Variants in HMCN1 observed in about 807,000 individuals in gnomAD.
The protein encoded by HMCN1 is hemicentin-1.
HMCN1 carries 321 observed loss-of-function variants against 625.9 expected under a neutral mutation model. That is an observed-to-expected ratio of 0.51 (90% CI 0.47 to 0.56). The LOEUF is 0.56. Among genes scored for constraint, HMCN1 ranks in the 20% least tolerant of loss-of-function variants. The pLI is 0.00. For missense variants in HMCN1, 6,588 were observed against 6,887.3 expected (o/e 0.96, Z 1.54); for synonymous variants, 2,425 against 2,417.6 (o/e 1.00, Z -0.09).
chr1:186,008,599 C>T (rs1451896822), intron 30 of HMCN1, among the ~76,000 whole-genome samples: 1 of 152,042 alleles, frequency 6.6e-6, no homozygotes, highest in Non-Finnish European at 1.5e-5. Flanking sequence ...GAGGCCCAAC[C>T]ACTGCCACTG....
intron 32 of HMCN1, among the ~76,000 whole-genome samples, chr1:186,016,495 G>A (rs1571721016): frequency 6.6e-6 from 1 of 151,930 alleles, no homozygotes; most frequent in African/African-American, 2.4e-5. Flanking sequence ...TTACGTCTAT[G>A]ACAATGTCTA....
intron 18 of HMCN1, among the ~76,000 whole-genome samples, chr1:185,982,880 T>C (rs971021008): frequency 6.6e-6 from 1 of 152,184 alleles, no homozygotes; most frequent in African/African-American, 2.4e-5. Flanking sequence ...ATTCATATTA[T>C]TTTGGCATTA....
At chr1:185,902,550 G>A (rs1003342813) in intron 4 of HMCN1, among the ~76,000 whole-genome samples, 12 of 151,618 alleles carry the variant, frequency 7.9e-5, no homozygotes, top group African/African-American at 2.9e-4. Context: ...AGTGTTTTAT[G>A]TAACTACTAT....
chr1:185,892,063 A>G (rs1389881152), intron 4 of HMCN1, among the ~76,000 whole-genome samples: 44 of 150,668 alleles, frequency 2.9e-4, no homozygotes, highest in African/African-American at 9.9e-4. Flanking sequence ...CATTCATTTC[A>G]TCTTCCATCG....
rs745685739 is a variant in HMCN1, at chr1:186,015,986, C to T, written c.4938C>T (p.Ala1646=). 9.9e-6 allele frequency: 16 copies of T among 1,613,258 alleles called. No individual in the cohort carries two copies. Among genetic ancestry groups the T allele is most frequent in the Non-Finnish European group, 1.4e-5 (16 of 1,179,488 alleles). ...CTCCAATGATTGAAGGCAACTTGGC[C>T]ACGCCTTTGAATAAGCAAGTAGTTA... is the stretch of plus-strand genomic sequence containing the variant. The part of the protein sequence containing the change: ...YVPPMIEGNL[A]TPLNKQVVIA... The change falls in exon 32 of 107, where the codon GCC becomes GCT. Residue 1646 remains alanine, a synonymous_variant. Coordinates refer to ENST00000271588, the MANE Select transcript of HMCN1 (RefSeq NM_031935.3).
chr1:185,947,586 T>C (rs1218411035), intron 11 of HMCN1, among the ~76,000 whole-genome samples: 1 of 152,240 alleles, frequency 6.6e-6, no homozygotes, highest in Non-Finnish European at 1.5e-5. Flanking sequence ...ATTGATGAGA[T>C]ATCATTTGCA....
chr1:185,932,273 G>C (rs906431194), intron 10 of HMCN1, among the ~76,000 whole-genome samples: 3 of 152,202 alleles, frequency 2.0e-5, no homozygotes, highest in Admixed American at 6.5e-5. Context: ...GGAAAACAAT[G>C]ATAAATATAA....
intron 4 of HMCN1, among the ~76,000 whole-genome samples, chr1:185,876,898 C>A (rs1331560651): frequency 3.9e-5 from 6 of 151,928 alleles, no homozygotes; most frequent in South Asian, 4.1e-4. Context: ...TTTTGCTCTG[C>A]AGGAGGTATT....
intron 4 of HMCN1, among the ~76,000 whole-genome samples, chr1:185,877,775 G>A (rs1664051788): frequency 6.6e-6 from 1 of 151,734 alleles, no homozygotes; most frequent in South Asian, 2.1e-4. Flanking sequence ...AGGTACATGT[G>A]CAGGTTTGTA....
At chr1:186,102,853 G>A (rs540372505) in intron 68 of HMCN1, among the ~76,000 whole-genome samples, 26 of 152,086 alleles carry the variant, frequency 1.7e-4, no homozygotes, top group Non-Finnish European at 2.8e-4. Context: ...AACCTTAAAT[G>A]TTTCTTCCCA....
At chr1:185,760,000 C>T (rs1160706094) in intron 1 of HMCN1, among the ~76,000 whole-genome samples, 2 of 152,162 alleles carry the variant, frequency 1.3e-5, no homozygotes, top group Non-Finnish European at 2.9e-5. Context: ...AGTTGATATT[C>T]AGAAGTAATT....
rs781660464 is a variant in HMCN1, at chr1:186,120,018, C to T, written c.12102C>T (p.Asn4034=). The T allele has an allele frequency of 1.2e-6, 2 of 1,613,902 alleles. No individual in the cohort carries two copies. Among genetic ancestry groups the T allele is most frequent in the Non-Finnish European group, 1.7e-6 (2 of 1,179,940 alleles). The change falls in exon 80 of 107, where the codon AAC becomes AAT. Residue 4034 remains asparagine (N), a synonymous_variant. Transcript: ENST00000271588. The part of the protein sequence containing the change: ...EGINVNTSGR[N]HAVLPSGGLQ... ...TTTGTAACTATGTTGTAGGCAGAAA[C>T]CATGCAGTTCTTCCTAGTGGCGGCT...
chr1:186,139,009 C>T (rs557768808), intron 89 of HMCN1, among the ~76,000 whole-genome samples: 211 of 152,084 alleles, frequency 1.4e-3, no homozygotes, highest in African/African-American at 4.7e-3. Context: ...ATCAACATAC[C>T]CAAAAAACTC....
intron 53 of HMCN1, 71 bp downstream of exon 53, chr1:186,074,962 CTT>C (rs1658715798): frequency 7.5e-7 from 1 of 1,327,672 alleles, no homozygotes; most frequent in African/African-American, 1.5e-5. Flanking sequence ...AGAGATTTGA[CTT>C]ATTTTAAACA....
At chr1:186,062,408 G>A in intron 47 of HMCN1, 106 bp from the exon 48 acceptor site, 11 of 724,514 alleles carry the variant, frequency 1.5e-5, no homozygotes, top group Non-Finnish European at 2.7e-5. Flanking sequence ...GTGGATTGGG[G>A]GATTTGTTTT....
At chr1:185,925,642 C>T (rs1393104740) in intron 9 of HMCN1, among the ~76,000 whole-genome samples, 1 of 151,958 alleles carries the variant, frequency 6.6e-6, no homozygotes, top group Non-Finnish European at 1.5e-5. Flanking sequence ...AAGTGTAGAG[C>T]GGGTTAGTTG....
chr1:185,803,514 G>A (rs895588337), intron 1 of HMCN1, among the ~76,000 whole-genome samples: 1 of 151,836 alleles, frequency 6.6e-6, no homozygotes, highest in African/African-American at 2.4e-5. Context: ...TTTCCAAAAC[G>A]ATTTGTGGTG....
chr1:186,039,964 T>G, intron 39 of HMCN1, 85 bp downstream of exon 39: 1 of 1,326,020 alleles, frequency 7.5e-7, no homozygotes, highest in South Asian at 1.2e-5. Context: ...TTGAAGAGAT[T>G]TAGAGAACAA....
intron 40 of HMCN1, among the ~76,000 whole-genome samples, chr1:186,044,652 T>TA (rs889113470): frequency 1.3e-5 from 2 of 152,108 alleles, no homozygotes; most frequent in Non-Finnish European, 1.5e-5. Flanking sequence ...TTTTTGTAAC[T>TA]AAAAAAATGC....
Sources: allele counts gnomAD v4.1 joint callset (sites outside exome capture counted in the v4.1 genomes callset), GRCh38; gene constraint gnomAD v4.1.1; transcripts MANE v1.5; gene names NCBI Gene and HGNC (gene_info 2026-07-23, HGNC 2026-07-21).